The following FBXL17 variants were observed in gnomAD, a reference collection of about 807,000 sequenced individuals.
The protein encoded by FBXL17 is F-box/LRR-repeat protein 17.
In FBXL17, 22 loss-of-function variants were observed where a neutral mutation model predicts 66.2. That is an observed-to-expected ratio of 0.33 (90% CI 0.24 to 0.47). The LOEUF (loss-of-function observed/expected upper bound fraction) is 0.47, where lower values mean the gene tolerates loss of function less well. Ranked by LOEUF, FBXL17 falls within the 20% of genes least tolerant of loss-of-function variation. The pLI, the probability that FBXL17 is intolerant of heterozygous loss-of-function variation, is 1.00. For missense variants in FBXL17, 878 were observed against 948.2 expected, an observed-to-expected ratio of 0.93 and a Z score of 0.97; for synonymous variants, 474 against 400.5, an observed-to-expected ratio of 1.18 and a Z score of -2.19.
chr5:108,156,508 T>C (rs1361482426), intron 6 of FBXL17, among the ~76,000 whole-genome samples: 1 of 152,016 alleles, frequency 6.6e-6, no homozygotes, highest in Non-Finnish European at 1.5e-5. Context: ...GTCATCATTT[T>C]TACAACGTTG....
Position 107,872,600 on chromosome 5 carries a change from G to T in FBXL17, c.1965+8437C>A, listed in dbSNP as rs532102779. Among the ~76,000 whole-genome samples, 4 of 152,292 alleles carry T rather than the reference G, an allele frequency of 2.6e-5. No homozygotes were observed. In the South Asian group the frequency reaches 8.3e-4, roughly 32 times the overall value. Reference sequence around the variant, plus strand: ...GCAATACATATTTGTCTAGCAACTAGTATGTACCAGCCACTGTGGTAGGTC... The same window carrying T: ...GCAATACATATTTGTCTAGCAACTATTATGTACCAGCCACTGTGGTAGGTC... On this transcript the variant is annotated intron_variant, in intron 8 of 8. Transcript: ENST00000542267.
rs552696966 is a variant in FBXL17, at chr5:107,997,569, A to G, written c.1822+23356T>C. On this transcript the variant is annotated intron_variant, in intron 7 of 8. Transcript: ENST00000542267. Reference sequence around the variant, plus strand: ...AAAACAATTTCAAGAATTCATTATCATATCAAATACTGCAGGTTTCATTAC... The same window carrying G: ...AAAACAATTTCAAGAATTCATTATCGTATCAAATACTGCAGGTTTCATTAC... 1.9e-3 allele frequency among the ~76,000 whole-genome samples: 286 copies of G among 152,308 alleles called. 2 individuals carry two copies. The highest frequency in any genetic ancestry group is 6.8e-3 in the Middle Eastern group (2 of 294).
chr5:108,334,130 C>T (rs895007463), intron 4 of FBXL17, among the ~76,000 whole-genome samples: 4 of 152,070 alleles, frequency 2.6e-5, no homozygotes, highest in Non-Finnish European at 1.5e-5. Context: ...TTTTATTCAA[C>T]AGAATTTCTA....
chr5:107,980,661 TA>T lies in FBXL17; in HGVS notation c.1822+40263del, dbSNP rs1752777352. ...CAATAAAATAATATATATATATATA[TA>T]TATTTTTTTTTTGAGATGGAGTCTT... On this transcript the variant is annotated intron_variant, in intron 7 of 8. Coordinates refer to ENST00000542267, the MANE Select transcript of FBXL17 (RefSeq NM_001163315.3). Among the ~76,000 whole-genome samples, 2 of 91,562 alleles carry T rather than the reference TA, an allele frequency of 2.2e-5. 1 individual carries two copies. Among genetic ancestry groups the T allele is most frequent in the African/African-American group, 1.3e-4 (2 of 15,332 alleles). The allele number at this position is 91,562 out of a possible 152,430, so 60.1% of individuals were successfully genotyped here.
At chr5:107,904,967 G>C (rs1045555350) in intron 7 of FBXL17, among the ~76,000 whole-genome samples, 6 of 151,906 alleles carry the variant, frequency 3.9e-5, no homozygotes, top group Non-Finnish European at 7.4e-5. Context: ...GAAGCAGAGG[G>C]AAGAGGAGGG....
In FBXL17 at chr5:107,975,530, T is replaced by C. The variant is rs547588606; in HGVS notation, c.1822+45395A>G. On this transcript the variant is annotated intron_variant, in intron 7 of 8. Coordinates refer to ENST00000542267, the MANE Select transcript of FBXL17 (RefSeq NM_001163315.3). The stretch of plus-strand genomic sequence containing the variant: ...TATACGGTATTCAAGATTAAAGATG[T>C]AGGTGAAATCTTAAAATGAATGTGT... Among the ~76,000 whole-genome samples the C allele has an allele frequency of 1.1e-4, 17 of 152,266 alleles. No individual in the cohort carries two copies. In the South Asian group the frequency reaches 3.3e-3, roughly 30 times the overall value.
At chr5:108,093,432 A>G (rs967796506) in intron 6 of FBXL17, among the ~76,000 whole-genome samples, 1 of 152,156 alleles carries the variant, frequency 6.6e-6, no homozygotes, top group African/African-American at 2.4e-5. Flanking sequence ...ATGAGGAACC[A>G]TAGTTGACTT....
intron 1 of FBXL17, among the ~76,000 whole-genome samples, chr5:108,368,915 TAA>T (rs373667446): frequency 2.1e-5 from 3 of 142,912 alleles, no homozygotes; most frequent in African/African-American, 5.1e-5. Context: ...TACAAGGATT[TAA>T]AAAAAAAAAA....
At chr5:108,183,478 A>G (rs1205326554) in intron 6 of FBXL17, among the ~76,000 whole-genome samples, 1 of 152,138 alleles carries the variant, frequency 6.6e-6, no homozygotes, top group African/African-American at 2.4e-5. Context: ...ATTACTTTAA[A>G]TTTTCTATAT....
At position 108,161,480 on chromosome 5, in the gene FBXL17, T is replaced by G. The variant is rs538454967; in HGVS notation, c.1745+24637A>C. Among the ~76,000 whole-genome samples the G allele has an allele frequency of 7.9e-5, 9 of 113,476 alleles. No individual in the cohort carries two copies. In the East Asian group the frequency reaches 1.9e-3, roughly 24 times the overall value. The allele number at this position is 113,476 out of a possible 152,430, so 74.4% of individuals were successfully genotyped here. A position where few individuals can be genotyped will look rare whatever the true frequency, so the allele number is the denominator to read the frequency against. ...CAGCCTGGGCGACAGCGGAAGACTC[T>G]GTCTCAAACAAACAAACAAAAAAAC... On this transcript the variant is annotated intron_variant, in intron 6 of 8. Transcript: ENST00000542267.
chr5:108,073,862 C>T (rs994807645), intron 6 of FBXL17, among the ~76,000 whole-genome samples: 1 of 152,296 alleles, frequency 6.6e-6, no homozygotes, highest in Non-Finnish European at 1.5e-5. Context: ...TGTGGCCTCA[C>T]CGGAAGCCAA....
intron 1 of FBXL17, among the ~76,000 whole-genome samples, chr5:108,373,718 C>A (rs1749220358): frequency 1.3e-5 from 2 of 152,064 alleles, no homozygotes; most frequent in African/African-American, 4.8e-5. Context: ...GAGTTCAAGA[C>A]CAGCCTGGGC....
At chr5:108,104,404 T>C (rs999775270) in intron 6 of FBXL17, among the ~76,000 whole-genome samples, 2 of 152,232 alleles carry the variant, frequency 1.3e-5, no homozygotes, top group African/African-American at 2.4e-5. Context: ...AAAGATTACC[T>C]ATAGTGAAAA....
intron 4 of FBXL17, among the ~76,000 whole-genome samples, chr5:108,292,025 C>T (rs1463803550): frequency 1.3e-5 from 2 of 151,744 alleles, no homozygotes; most frequent in African/African-American, 4.8e-5. Flanking sequence ...AATAATAATT[C>T]AAAAATGTAA....
intron 4 of FBXL17, chr5:108,298,423 T>C: frequency 1.0e-6 from 1 of 977,978 alleles, no homozygotes; most frequent in Non-Finnish European, 1.2e-6. Flanking sequence ...CAATCATAGA[T>C]TTAAACTAAA....
Position 107,881,065 on chromosome 5 carries a change from C to G in FBXL17, c.1937G>C (p.Arg646Thr). The change falls in exon 8 of 9, where the codon AGA becomes ACA. Residue 646 changes from arginine to threonine, a missense_variant. By Grantham distance (71) the Arg-to-Thr change is moderately conservative (BLOSUM62 -1). Coordinates refer to ENST00000542267, the MANE Select transcript of FBXL17 (RefSeq NM_001163315.3). Reference protein sequence around the residue: ...TLIAQSSKSLRYLGLMRCDKV... With the variant: ...TLIAQSSKSLTYLGLMRCDKV... ...ATCACATCTCATCAGCCCCAAATATCTCAGAGACTTGCTGCTCTGTGCAAT... is the reference window on the plus strand; with the variant it reads ...ATCACATCTCATCAGCCCCAAATATGTCAGAGACTTGCTGCTCTGTGCAAT... The G allele has an allele frequency of 6.2e-7, 1 of 1,614,082 alleles. No homozygotes were observed. The highest frequency in any genetic ancestry group is 8.5e-7 in the Non-Finnish European group (1 of 1,179,956).
At chr5:107,884,772 T>A (rs1363641411) in intron 7 of FBXL17, among the ~76,000 whole-genome samples, 1 of 152,076 alleles carries the variant, frequency 6.6e-6, no homozygotes, top group East Asian at 1.9e-4. Context: ...AATGGGGAGG[T>A]TGATTATTTG....
intron 3 of FBXL17, among the ~76,000 whole-genome samples, chr5:108,353,542 C>T (rs1419236752): frequency 6.6e-6 from 1 of 152,154 alleles, no homozygotes; most frequent in Non-Finnish European, 1.5e-5. Flanking sequence ...AGAAAAGTAA[C>T]CATTTTGAAA....
intron 4 of FBXL17, among the ~76,000 whole-genome samples, chr5:108,261,175 A>C (rs1273471142): frequency 6.6e-6 from 1 of 152,078 alleles, no homozygotes; most frequent in Non-Finnish European, 1.5e-5. Flanking sequence ...GAAAATAATA[A>C]TATAAAACAA....
Sources: gnomAD v4.1 joint callset for allele counts (sites outside exome capture counted in the v4.1 genomes callset) on GRCh38, gnomAD v4.1.1 for gene constraint, MANE v1.5 for transcripts, NCBI Gene and HGNC (gene_info 2026-07-23, HGNC 2026-07-21) for gene names.